Variants in CNTNAP2 observed in about 807,000 individuals in gnomAD.
CNTNAP2 encodes the protein contactin associated protein 2, also known as contactin-associated protein-like 2.
In CNTNAP2, 98 loss-of-function variants were observed where a neutral mutation model predicts 155.2. That is an observed-to-expected ratio of 0.63 (90% CI 0.54 to 0.75). CNTNAP2 has a LOEUF of 0.75. Ranked by LOEUF, CNTNAP2 falls within the 30% of genes least tolerant of loss-of-function variation. The probability of loss-of-function intolerance (pLI) is 0.00; values close to 1 mark genes in which losing one functional copy is unlikely to be tolerated. For missense variants in CNTNAP2, 1,727 were observed against 1,688.1 expected, an observed-to-expected ratio of 1.02 and a Z score of -0.40; for synonymous variants, 651 against 631.2, an observed-to-expected ratio of 1.03 and a Z score of -0.47.
intron 1 of CNTNAP2, among the ~76,000 whole-genome samples, chr7:146,245,457 G>A (rs557175612): frequency 5.3e-5 from 8 of 152,250 alleles, no homozygotes; most frequent in South Asian, 2.1e-4. Flanking sequence ...GTATTAGGGC[G>A]GCAGCAGCCG....
intron 22 of CNTNAP2, among the ~76,000 whole-genome samples, chr7:148,389,172 C>T (rs1799288505): frequency 6.6e-6 from 1 of 152,180 alleles, no homozygotes; most frequent in Non-Finnish European, 1.5e-5. Context: ...TTCTTTTATT[C>T]CTTTACTTTC....
intron 1 of CNTNAP2, among the ~76,000 whole-genome samples, chr7:146,585,266 C>T (rs1798671575): frequency 6.6e-6 from 1 of 152,036 alleles, no homozygotes; most frequent in Non-Finnish European, 1.5e-5. Context: ...GGATTACAGG[C>T]ACATGCCACC....
At chr7:147,042,232 G>A (rs947702271) in intron 3 of CNTNAP2, among the ~76,000 whole-genome samples, 2 of 152,120 alleles carry the variant, frequency 1.3e-5, no homozygotes, top group Non-Finnish European at 2.9e-5. Context: ...AAACCAAGAA[G>A]AGCACAGCAG....
At chr7:148,386,159 C>T (rs1172470020) in intron 22 of CNTNAP2, among the ~76,000 whole-genome samples, 1 of 152,200 alleles carries the variant, frequency 6.6e-6, no homozygotes, top group Non-Finnish European at 1.5e-5. Flanking sequence ...AAAATTTCCA[C>T]TTACACTTGG....
At chr7:146,302,806 C>T (rs188335686) in intron 1 of CNTNAP2, among the ~76,000 whole-genome samples, 1 of 152,116 alleles carries the variant, frequency 6.6e-6, no homozygotes, top group African/African-American at 2.4e-5. Context: ...TTTGCTCTTA[C>T]AGACATGTGC....
At position 148,366,168 on chromosome 7, in the gene CNTNAP2, G is replaced by A. The variant is rs13309710; in HGVS notation, c.3476-17481G>A. Among the ~76,000 whole-genome samples, 3 of 13,268 alleles carry A rather than the reference G, an allele frequency of 2.3e-4. 1 individual carries two copies. The highest frequency in any genetic ancestry group is 2.9e-4 in the African/African-American group (2 of 6,992). 8.7% of individuals were successfully genotyped at this position (13,268 alleles called of 152,430 possible). A position where few individuals can be genotyped will look rare whatever the true frequency, so the allele number is the denominator to read the frequency against. ...TGTATGCATGTATGCATGTATGTGT[G>A]TGCATGTATACATGTATGTGTATGC... On this transcript the variant is annotated intron_variant, in intron 21 of 23. Coordinates refer to ENST00000361727, the MANE Select transcript of CNTNAP2 (RefSeq NM_014141.6).
At chr7:146,275,687 A>G (rs1563017973) in intron 1 of CNTNAP2, among the ~76,000 whole-genome samples, 3 of 152,174 alleles carry the variant, frequency 2.0e-5, no homozygotes, top group African/African-American at 7.2e-5. Context: ...ATGAGCCTCT[A>G]TATCTTCCTA....
At chr7:147,744,397 C>G (rs1206334654) in intron 13 of CNTNAP2, among the ~76,000 whole-genome samples, 1 of 152,156 alleles carries the variant, frequency 6.6e-6, no homozygotes, top group Non-Finnish European at 1.5e-5. Context: ...AGACACACAT[C>G]CTAAACTTAC....
chr7:146,720,937 C>T (rs1490202964), intron 1 of CNTNAP2, among the ~76,000 whole-genome samples: 1 of 134,534 alleles, frequency 7.4e-6, no homozygotes, highest in Non-Finnish European at 1.5e-5. Flanking sequence ...TATATATATA[C>T]TTTCTCTATA....
chr7:146,424,715 C>T (rs181703922), intron 1 of CNTNAP2, among the ~76,000 whole-genome samples: 13 of 152,094 alleles, frequency 8.5e-5, no homozygotes, highest in South Asian at 6.2e-4. Context: ...CTTTGCAAGC[C>T]GTCCATTCTA....
At chr7:148,181,820 C>G (rs548435869) in intron 18 of CNTNAP2, among the ~76,000 whole-genome samples, 1 of 122,564 alleles carries the variant, frequency 8.2e-6, no homozygotes, top group Non-Finnish European at 1.6e-5. Context: ...TTCAGTGGCA[C>G]AAACTCGGCT....
chr7:146,494,056 G>A (rs758653354), intron 1 of CNTNAP2, among the ~76,000 whole-genome samples: 3 of 152,110 alleles, frequency 2.0e-5, no homozygotes, highest in African/African-American at 4.8e-5. Context: ...AATGCAGGCC[G>A]GAAACAGTGG....
In CNTNAP2 at chr7:147,756,872, C is replaced by T. The variant is rs146791688; in HGVS notation, c.2098+117566C>T. Among the ~76,000 whole-genome samples the T allele has an allele frequency of 5.0e-3, 756 of 152,288 alleles. 11 individuals carry two copies. Among genetic ancestry groups the T allele is most frequent in the African/African-American group, 0.017 (714 of 41,570 alleles). ...GATCCAAGTCTCTTTGGCATCCTCC[C>T]TTTAGTGTCTTTATCAGAGTTAGCT... On this transcript the variant is annotated intron_variant, in intron 13 of 23. Transcript: ENST00000361727.
chr7:146,513,421 TG>T (rs2129135933), intron 1 of CNTNAP2, among the ~76,000 whole-genome samples: 1 of 152,028 alleles, frequency 6.6e-6, no homozygotes, highest in East Asian at 1.9e-4. Flanking sequence ...AATTTTTCTC[TG>T]GTAGTATGTT....
intron 3 of CNTNAP2, among the ~76,000 whole-genome samples, chr7:146,979,716 G>A (rs1797978143): frequency 6.6e-6 from 1 of 152,098 alleles, no homozygotes; most frequent in South Asian, 2.1e-4. Context: ...ATTATGCAAA[G>A]GGTAAAGTAA....
rs73741619 is a variant in CNTNAP2, at chr7:146,695,146, C to A, written c.98-79125C>A. ...GAATAGGAGTGGTGAGACCAGACAC[C>A]CTTGTCTTGTTCTCTCTCTTAGGGG... is the stretch of plus-strand genomic sequence containing the variant. On this transcript the variant is annotated intron_variant, in intron 1 of 23. Transcript: ENST00000361727. Among the ~76,000 whole-genome samples, 121 of 152,106 alleles carry A rather than the reference C, an allele frequency of 8.0e-4. 1 individual carries two copies. Among genetic ancestry groups the A allele is most frequent in the African/African-American group, 2.6e-3 (109 of 41,508 alleles).
intron 13 of CNTNAP2, among the ~76,000 whole-genome samples, chr7:147,826,871 A>G (rs1403774741): frequency 1.3e-5 from 2 of 152,164 alleles, no homozygotes; most frequent in Non-Finnish European, 2.9e-5. Context: ...GGTCTCATCA[A>G]GAAATAAGAA....
chr7:146,949,417 C>T (rs1270100670), intron 3 of CNTNAP2, among the ~76,000 whole-genome samples: 3 of 152,150 alleles, frequency 2.0e-5, no homozygotes, highest in South Asian at 2.1e-4. Context: ...CACAACCTCT[C>T]GTCTGATTTC....
intron 4 of CNTNAP2, among the ~76,000 whole-genome samples, chr7:147,070,654 G>C (rs1448591894): frequency 2.6e-5 from 4 of 152,180 alleles, no homozygotes; most frequent in Non-Finnish European, 5.9e-5. Flanking sequence ...TAAACTGAAA[G>C]AGTCATATAG....
Sources: gnomAD v4.1 joint callset for allele counts (sites outside exome capture counted in the v4.1 genomes callset) on GRCh38, gnomAD v4.1.1 for gene constraint, MANE v1.5 for transcripts, NCBI Gene and HGNC (gene_info 2026-07-23, HGNC 2026-07-21) for gene names.